Variants in GOLM2 observed in about 807,000 individuals in gnomAD.
The protein encoded by GOLM2 is golgi membrane protein 2.
Under a neutral mutation model 55.9 loss-of-function variants are expected in GOLM2, and 26 were observed. That is an observed-to-expected ratio of 0.47 (90% CI 0.34 to 0.65). The LOEUF (loss-of-function observed/expected upper bound fraction) is 0.65. Ranked by LOEUF, GOLM2 falls within the 30% of genes least tolerant of loss-of-function variation. GOLM2 has a pLI of 0.01. For missense variants in GOLM2, 486 were observed against 531.8 expected (o/e 0.91, Z 0.85); for synonymous variants, 165 against 194.6 (o/e 0.85, Z 1.27).
At chr15:44,302,013 G>A in intron 1 of GOLM2, among the ~76,000 whole-genome samples, 1 of 151,924 alleles carries the variant, frequency 6.6e-6, no homozygotes, top group Non-Finnish European at 1.5e-5. Context: ...TTCACCATGT[G>A]GAATGAGGGA....
intron 6 of GOLM2, among the ~76,000 whole-genome samples, chr15:44,361,956 C>T (rs1221241361): frequency 2.6e-5 from 4 of 152,240 alleles, no homozygotes; most frequent in South Asian, 2.1e-4. Flanking sequence ...GTGATTATCT[C>T]GATAGATGCA....
chr15:44,344,769 T>G (rs936570406), intron 6 of GOLM2, among the ~76,000 whole-genome samples: 2 of 150,732 alleles, frequency 1.3e-5, no homozygotes, highest in African/African-American at 4.9e-5. Flanking sequence ...ATTTATTTAT[T>G]TATTTAATTA....
intron 1 of GOLM2, among the ~76,000 whole-genome samples, chr15:44,300,606 C>G (rs982877314): frequency 6.6e-6 from 1 of 152,168 alleles, no homozygotes. Flanking sequence ...GGCAAACAAA[C>G]AGTTCTTATA....
Position 44,379,024 on chromosome 15 carries a change from C to T in GOLM2, c.803-666C>T, listed in dbSNP as rs1418552609. On this transcript the variant is annotated intron_variant, in intron 6 of 9. Transcript: ENST00000299957. ...CTTCCCAAAGTGCTGGGATTACAGG[C>T]GTGAGCCACTGCGCCCAGTCCATTT... Among the ~76,000 whole-genome samples, 4 of 152,120 alleles carry T rather than the reference C, an allele frequency of 2.6e-5. No homozygotes were observed. The East Asian group carries it at 5.8e-4, about 22-fold the overall frequency.
At position 44,289,463 on chromosome 15, in the gene GOLM2, G is replaced by T. The variant is rs2078705250; in HGVS notation, c.327+107G>T. 15 of 1,038,168 alleles carry T rather than the reference G, an allele frequency of 1.4e-5. No homozygotes were observed. The highest frequency in any genetic ancestry group is 1.8e-5 in the Non-Finnish European group (13 of 726,890). 64.3% of individuals were successfully genotyped at this position (1,038,168 alleles called of 1,614,324 possible). ...TTGTCTTATGCCTTCCAGTATTTCA[G>T]TCCTGAAGGCTCCTTTCACCCCCAA... On this transcript the variant is annotated intron_variant, in intron 1 of 9. Transcript: ENST00000299957. The surrounding 1 kb of genome is among the most constrained non-coding windows in gnomAD (Gnocchi z 4.8).
chr15:44,318,308 G>C (rs1028645675), intron 1 of GOLM2, among the ~76,000 whole-genome samples: 1 of 152,146 alleles, frequency 6.6e-6, no homozygotes, highest in Non-Finnish European at 1.5e-5. Context: ...CTCTGACTTA[G>C]ACCAACATTC....
intron 5 of GOLM2, 112 bp from the exon 6 acceptor site, chr15:44,338,125 G>A: frequency 9.5e-7 from 1 of 1,056,944 alleles, no homozygotes; most frequent in Non-Finnish European, 1.4e-6. Flanking sequence ...AGGTAAAGAT[G>A]TTCAGTTGAT....
At chr15:44,309,684 C>G (rs1237983348) in intron 1 of GOLM2, among the ~76,000 whole-genome samples, 1 of 152,136 alleles carries the variant, frequency 6.6e-6, no homozygotes, top group Non-Finnish European at 1.5e-5. Context: ...TTACCATGTG[C>G]CAGCCAGTGT....
chr15:44,337,701 AGTT>A, intron 4 of GOLM2, 59 bp from the exon 5 acceptor site: 1 of 1,179,438 alleles, frequency 8.5e-7, no homozygotes, highest in African/African-American at 1.6e-5. Flanking sequence ...TTTAATTAAT[AGTT>A]GTGTCGGTGG....
chr15:44,360,330 T>C (rs1197378623), intron 6 of GOLM2, among the ~76,000 whole-genome samples: 10 of 152,100 alleles, frequency 6.6e-5, no homozygotes, highest in African/African-American at 2.4e-4. Flanking sequence ...GAGACACACA[T>C]AGGCTCAAAA....
intron 8 of GOLM2, chr15:44,382,174 T>C (rs2079407586): frequency 6.6e-6 from 1 of 152,180 alleles, no homozygotes; most frequent in South Asian, 2.1e-4. Flanking sequence ...ACATTTTAAA[T>C]ATAATGAAAA....
At chr15:44,399,945 A>G (rs571249497) in intron 8 of GOLM2, among the ~76,000 whole-genome samples, 154 of 152,012 alleles carry the variant, frequency 1.0e-3, no homozygotes, top group Non-Finnish European at 1.9e-3. Context: ...CAGTGAGCTG[A>G]TATCAGGCCA....
At chr15:44,396,515 G>T (rs1156766504) in intron 8 of GOLM2, among the ~76,000 whole-genome samples, 1 of 152,124 alleles carries the variant, frequency 6.6e-6, no homozygotes, top group Non-Finnish European at 1.5e-5. Context: ...AAATGGAAAA[G>T]GTTAAAGTTT....
intron 6 of GOLM2, among the ~76,000 whole-genome samples, chr15:44,378,903 G>A (rs1370501982): frequency 2.0e-5 from 3 of 151,398 alleles, no homozygotes; most frequent in South Asian, 2.1e-4. Flanking sequence ...GCACCACCAC[G>A]CCCGGCTAAT....
At chr15:44,295,831 A>G (rs1409616957) in intron 1 of GOLM2, among the ~76,000 whole-genome samples, 2 of 152,090 alleles carry the variant, frequency 1.3e-5, no homozygotes, top group South Asian at 2.1e-4. Context: ...ATACAGTTAC[A>G]TTCTGAGATC....
intron 6 of GOLM2, among the ~76,000 whole-genome samples, chr15:44,357,026 G>T (rs1171740801): frequency 6.6e-6 from 1 of 151,910 alleles, no homozygotes; most frequent in Non-Finnish European, 1.5e-5. Context: ...ACAAAAACTA[G>T]CCAGGTGTGG....
At chr15:44,298,383 C>T (rs1464524982) in intron 1 of GOLM2, among the ~76,000 whole-genome samples, 1 of 151,502 alleles carries the variant, frequency 6.6e-6, no homozygotes, top group Non-Finnish European at 1.5e-5. Context: ...CTAGCCTCAG[C>T]CTCCCAAGTA....
intron 8 of GOLM2, among the ~76,000 whole-genome samples, chr15:44,396,724 A>G (rs1433692924): frequency 6.6e-6 from 1 of 152,246 alleles, no homozygotes; most frequent in Non-Finnish European, 1.5e-5. Flanking sequence ...CATGTGGTAT[A>G]TGAATTAAAG....
At chr15:44,403,332 T>A (rs2079578275) in intron 9 of GOLM2, among the ~76,000 whole-genome samples, 1 of 151,982 alleles carries the variant, frequency 6.6e-6, no homozygotes, top group Admixed American at 6.6e-5. Context: ...CTGGCTAATT[T>A]TGTATATTTA....
Sources: gnomAD v4.1 joint callset for allele counts (sites outside exome capture counted in the v4.1 genomes callset) on GRCh38, gnomAD v4.1.1 for gene constraint, Gnocchi (gnomAD v3.1) non-coding constraint, MANE v1.5 for transcripts, NCBI Gene and HGNC (gene_info 2026-07-23, HGNC 2026-07-21) for gene names.